TSHZ2: variants seen among roughly 807,000 people sequenced by gnomAD.
The protein encoded by TSHZ2 is teashirt zinc finger homeobox 2.
Under a neutral mutation model 74.4 loss-of-function variants are expected in TSHZ2, and 21 were observed. The ratio of observed to expected loss-of-function variants is 0.28; its 90% CI spans 0.20 to 0.41. TSHZ2 has a LOEUF of 0.41. Ranked by LOEUF, TSHZ2 falls within the 10% of genes least tolerant of loss-of-function variation. TSHZ2 has a pLI of 1.00. For missense variants in TSHZ2, 1,244 were observed against 1,293.5 expected, an observed-to-expected ratio of 0.96 and a Z score of 0.59; for synonymous variants, 540 against 515.3, an observed-to-expected ratio of 1.05 and a Z score of -0.65.
At chr20:53,185,187 C>G in intron 1 of TSHZ2, 1 of 987,272 alleles carries the variant, frequency 1.0e-6, no homozygotes, top group Non-Finnish European at 1.2e-6. Flanking sequence ...GAATGTCTTT[C>G]CTCTGAATTT....
intron 2 of TSHZ2, among the ~76,000 whole-genome samples, chr20:53,462,736 G>A (rs1470664398): frequency 1.3e-5 from 2 of 152,148 alleles, no homozygotes; most frequent in African/African-American, 4.8e-5. Context: ...AGAAAGCCTG[G>A]TTCCATGTTT....
At chr20:53,057,649 G>A (rs959722610) in intron 1 of TSHZ2, among the ~76,000 whole-genome samples, 2 of 152,100 alleles carry the variant, frequency 1.3e-5, no homozygotes, top group Non-Finnish European at 2.9e-5. Flanking sequence ...AGAGGCCCAG[G>A]AGAAGCTGGT....
chr20:53,036,834 A>C (rs1457624735), intron 1 of TSHZ2, among the ~76,000 whole-genome samples: 2 of 149,712 alleles, frequency 1.3e-5, no homozygotes, highest in Non-Finnish European at 3.0e-5. Flanking sequence ...ATTTCACATA[A>C]ACTTTATATT....
intron 2 of TSHZ2, among the ~76,000 whole-genome samples, chr20:53,345,358 T>G (rs924799015): frequency 2.0e-4 from 31 of 151,670 alleles, no homozygotes; most frequent in Non-Finnish European, 3.4e-4. Context: ...CTCTTGGTGG[T>G]TGGGAGAAAT....
intron 1 of TSHZ2, among the ~76,000 whole-genome samples, chr20:53,160,991 A>G (rs2123462524): frequency 6.6e-6 from 1 of 151,278 alleles, no homozygotes; most frequent in Non-Finnish European, 1.5e-5. Context: ...AAGTCATGAT[A>G]AAGTTAGCAA....
chr20:53,026,130 C>T lies in TSHZ2; in HGVS notation c.40+52797C>T, dbSNP rs562188273. On this transcript the variant is annotated intron_variant, in intron 1 of 2. Transcript: ENST00000371497. The stretch of plus-strand genomic sequence containing the variant: ...TTCCTCTTCCCAACACACACACATA[C>T]ACACGTGAGTCTGACTGCTTGAATT... Among the ~76,000 whole-genome samples, 3 of 152,204 alleles carry T rather than the reference C, an allele frequency of 2.0e-5. No homozygotes were observed. The East Asian group carries it at 5.8e-4, about 29-fold the overall frequency.
intron 2 of TSHZ2, among the ~76,000 whole-genome samples, chr20:53,458,507 C>G (rs565481414): frequency 1.3e-5 from 2 of 152,176 alleles, no homozygotes; most frequent in Admixed American, 1.3e-4. Context: ...TTTCAAAAAA[C>G]CAGCTCCTGG....
At chr20:53,482,108 TAAAAAAAAAAAA>T (rs570413572) in intron 2 of TSHZ2, among the ~76,000 whole-genome samples, 1 of 74,346 alleles carries the variant, frequency 1.3e-5, no homozygotes, top group East Asian at 4.0e-4. Flanking sequence ...CTCCATCTCA[TAAAAAAAAAAAA>T]AAAAAAAAAA....
At chr20:53,293,799 C>T (rs1380087052) in intron 2 of TSHZ2, among the ~76,000 whole-genome samples, 8 of 151,630 alleles carry the variant, frequency 5.3e-5, no homozygotes, top group Admixed American at 3.3e-4. Context: ...TGGCAGATCA[C>T]GAGGTCAGGA....
intron 2 of TSHZ2, among the ~76,000 whole-genome samples, chr20:53,325,098 C>G (rs558890210): frequency 5.9e-5 from 9 of 152,314 alleles, no homozygotes; most frequent in African/African-American, 1.9e-4. Flanking sequence ...GTCTTACGAA[C>G]ACAGGGACTG....
At chr20:53,328,962 T>A (rs906471388) in intron 2 of TSHZ2, among the ~76,000 whole-genome samples, 1 of 152,204 alleles carries the variant, frequency 6.6e-6, no homozygotes, top group African/African-American at 2.4e-5. Flanking sequence ...ATTAAATACA[T>A]CATTATAGAT....
chr20:53,092,821 C>T (rs531968935), intron 1 of TSHZ2, among the ~76,000 whole-genome samples: 6 of 152,186 alleles, frequency 3.9e-5, no homozygotes, highest in East Asian at 3.9e-4. Context: ...GCATAGACCA[C>T]GGATTGGCAA....
intron 2 of TSHZ2, among the ~76,000 whole-genome samples, chr20:53,441,261 T>A (rs1016382655): frequency 7.4e-6 from 1 of 134,846 alleles, no homozygotes; most frequent in African/African-American, 3.4e-5. Context: ...TTTTATTTTA[T>A]TTTATTTTAT....
intron 1 of TSHZ2, among the ~76,000 whole-genome samples, chr20:53,153,568 A>G (rs927586910): frequency 1.3e-5 from 2 of 152,180 alleles, no homozygotes; most frequent in South Asian, 2.1e-4. Flanking sequence ...AAATGGTTCA[A>G]TGTCAGAACA....
rs576774898 is a variant in TSHZ2, at chr20:53,191,727, T to C, written c.41-61772T>C. ...CCCTTCTTTCCTTTTGTCTTATCAC[T>C]TGTTCCCCAGCACTGATTGAATATT... On this transcript the variant is annotated intron_variant, in intron 1 of 2. Transcript: ENST00000371497. 2.6e-5 allele frequency among the ~76,000 whole-genome samples: 4 copies of C among 152,334 alleles called. No homozygotes were observed. The South Asian group carries it at 8.3e-4, about 32-fold the overall frequency.
rs529811262 is a variant in TSHZ2 at position 53,017,450 on chromosome 20, T to C, written c.40+44117T>C. ...CATACGGGCCAACATTTTTTTTCTTTAACAGTTGATATGTATCGTAATGTG... is the reference window on the plus strand; with the variant it reads ...CATACGGGCCAACATTTTTTTTCTTCAACAGTTGATATGTATCGTAATGTG... On this transcript the variant is annotated intron_variant, in intron 1 of 2. Transcript: ENST00000371497. Among the ~76,000 whole-genome samples the C allele has an allele frequency of 4.6e-5, 7 of 152,304 alleles. No homozygotes were observed. The South Asian group carries it at 1.5e-3, about 32-fold the overall frequency.
intron 2 of TSHZ2, among the ~76,000 whole-genome samples, chr20:53,475,773 A>C (rs1361663645): frequency 7.1e-6 from 1 of 141,072 alleles, no homozygotes; most frequent in Non-Finnish European, 1.5e-5. Context: ...AAGACTAATA[A>C]AGAAGAAAAG....
At chr20:53,342,967 T>C (rs1213154687) in intron 2 of TSHZ2, among the ~76,000 whole-genome samples, 1 of 119,552 alleles carries the variant, frequency 8.4e-6, no homozygotes, top group African/African-American at 3.5e-5. Flanking sequence ...TTTTTTTTTT[T>C]TTTTTTTTTT....
At chr20:53,156,274 A>T (rs181281340) in intron 1 of TSHZ2, among the ~76,000 whole-genome samples, 38 of 152,328 alleles carry the variant, frequency 2.5e-4, no homozygotes, top group Non-Finnish European at 5.1e-4. Context: ...ATTTAAGAAA[A>T]CATATGTCTC....
Sources: gnomAD v4.1 joint callset for allele counts (sites outside exome capture counted in the v4.1 genomes callset) on GRCh38, gnomAD v4.1.1 for gene constraint, MANE v1.5 for transcripts, NCBI Gene and HGNC (gene_info 2026-07-23, HGNC 2026-07-21) for gene names.